FCRL5: variants seen among roughly 807,000 people sequenced by gnomAD.
The protein encoded by FCRL5 is Fc receptor like 5.
A neutral mutation model predicts 92.1 loss-of-function variants in FCRL5; 79 were observed. The ratio of observed to expected loss-of-function variants is 0.86; its 90% confidence interval spans 0.72 to 1.03. The LOEUF is 1.03. Ranked by LOEUF, FCRL5 falls within the 50% of genes least tolerant of loss-of-function variation. FCRL5 has a pLI of 0.00. For missense variants in FCRL5, 1,160 were observed against 1,181.1 expected (o/e 0.98, Z 0.26); for synonymous variants, 466 against 469.3 (o/e 0.99, Z 0.09).
chr1:157,524,464 C>A lies in FCRL5; in HGVS notation c.2054G>T (p.Gly685Val). The change falls in exon 10 of 17, where the codon GGC (glycine) becomes GTC (valine). Residue 685 changes from glycine to valine, a missense_variant. Physicochemically the swap from Gly to Val is moderately radical, Grantham distance 109. Transcript: ENST00000361835. ...LLELHCEALR[G>V]SSPILYWFYH... is the part of the protein sequence containing the mutation. ...AAACCAGTACAGGATTGGGGAGGAG[C>A]CTCTCAGGGCCTCACAGTGAAGCTC... 6.2e-7 allele frequency: 1 copy of A among 1,614,194 alleles called. No homozygotes were observed. Among genetic ancestry groups the A allele is most frequent in the Non-Finnish European group, 8.5e-7 (1 of 1,180,036 alleles).
intron 8 of FCRL5, among the ~76,000 whole-genome samples, chr1:157,528,825 G>T (rs560295301): frequency 6.6e-6 from 1 of 152,266 alleles, no homozygotes; most frequent in South Asian, 2.1e-4. Context: ...ATGGATCAAA[G>T]ACATAAATCT....
At chr1:157,538,932 C>T (rs1211892410) in intron 7 of FCRL5, among the ~76,000 whole-genome samples, 154 bp downstream of exon 7, 1 of 152,174 alleles carries the variant, frequency 6.6e-6, no homozygotes, top group Non-Finnish European at 1.5e-5. Context: ...AAGGGGCAGA[C>T]AGCTGGTTCA....
intron 10 of FCRL5, 88 bp from the exon 11 acceptor site, chr1:157,521,380 A>G (rs1002559307): frequency 6.9e-7 from 1 of 1,443,108 alleles, no homozygotes; most frequent in African/African-American, 1.4e-5. Context: ...GTAAAAAGTC[A>G]TATCTCAATC....
intron 8 of FCRL5, among the ~76,000 whole-genome samples, chr1:157,528,982 C>T (rs1174803599): frequency 6.6e-6 from 1 of 152,152 alleles, no homozygotes; most frequent in Non-Finnish European, 1.5e-5. Context: ...AATTTAAAAG[C>T]TTCTGCACAG....
At chr1:157,536,621 T>A (rs1650980349) in intron 7 of FCRL5, among the ~76,000 whole-genome samples, 1 of 152,266 alleles carries the variant, frequency 6.6e-6, no homozygotes, top group African/African-American at 2.4e-5. Context: ...TAGGTTCTAA[T>A]GATGTTGTCT....
chr1:157,527,974 C>G, intron 8 of FCRL5, 79 bp from the exon 9 acceptor site: 6 of 1,416,436 alleles, frequency 4.2e-6, no homozygotes, highest in East Asian at 2.3e-5. Context: ...AACAATCAGA[C>G]AAGAGAAAGA....
chr1:157,534,818 G>A lies in FCRL5; in HGVS notation c.1477C>T (p.His493Tyr). Residue 493 changes from histidine to tyrosine, a missense_variant, in exon 8 of 17, where the codon CAC becomes TAC. His to Tyr is a moderately conservative substitution (Grantham distance 83). Transcript: ENST00000361835. Reference sequence around the variant, plus strand: ...GGGGAACCTCTCTGGACTTCACAGTGAAGTGTCACAGTGGCTCCTTCAAAA... The same window carrying A: ...GGGGAACCTCTCTGGACTTCACAGTAAAGTGTCACAGTGGCTCCTTCAAAA... The part of the protein sequence containing the change: ...LTFEGATVTL[H>Y]CEVQRGSPQI... The A allele has an allele frequency of 6.2e-7, 1 of 1,605,050 alleles. No homozygotes were observed. The highest frequency in any genetic ancestry group is 8.5e-7 in the Non-Finnish European group (1 of 1,175,466).
intron 8 of FCRL5, chr1:157,534,171 AT>A (rs1421702456): frequency 4.8e-6 from 2 of 412,962 alleles, no homozygotes; most frequent in African/African-American, 4.1e-5. Flanking sequence ...CTAGGGAGCC[AT>A]TTCCCCCTTT....
intron 7 of FCRL5, among the ~76,000 whole-genome samples, chr1:157,535,507 C>T (rs1264764373): frequency 6.6e-6 from 1 of 152,206 alleles, no homozygotes; most frequent in Non-Finnish European, 1.5e-5. Context: ...AAGTGACCTA[C>T]ATTTATCATC....
At chr1:157,544,177 A>T in intron 5 of FCRL5, 85 bp downstream of exon 5, 1 of 1,435,194 alleles carries the variant, frequency 7.0e-7, no homozygotes, top group South Asian at 1.3e-5. Context: ...TTTTCTACAG[A>T]GACTGGTGAC....
intron 7 of FCRL5, among the ~76,000 whole-genome samples, chr1:157,536,444 ACTCCCTTGTTGGG>A (rs910520321): frequency 2.0e-5 from 3 of 151,982 alleles, no homozygotes; most frequent in Non-Finnish European, 4.4e-5. Flanking sequence ...CCAACTGGAC[ACTCCCTTGTTGGG>A]CTCCCTCCTT....
intron 13 of FCRL5, chr1:157,519,018 C>T (rs575481598): frequency 4.9e-4 from 179 of 367,448 alleles, no homozygotes; most frequent in Admixed American, 2.2e-3. Context: ...TACAGCAATA[C>T]GTTGTTAGTT....
At chr1:157,532,765 A>G (rs1431130038) in intron 8 of FCRL5, 8 of 152,298 alleles carry the variant, frequency 5.3e-5, no homozygotes, top group African/African-American at 1.9e-4. Context: ...TTGACGAGTC[A>G]ATGTGTGACC....
intron 8 of FCRL5, chr1:157,532,437 A>T (rs544278475): frequency 6.6e-6 from 1 of 152,326 alleles, no homozygotes; most frequent in South Asian, 2.1e-4. Flanking sequence ...AAAACAGTCC[A>T]TTCTTTTTGA....
chr1:157,525,231 T>G (rs1478124830), intron 9 of FCRL5, among the ~76,000 whole-genome samples: 2 of 152,224 alleles, frequency 1.3e-5, no homozygotes, highest in Admixed American at 6.5e-5. Context: ...CTATGAAATG[T>G]ATGTGTTAGT....
intron 8 of FCRL5, chr1:157,533,059 T>G (rs905343483): frequency 3.9e-5 from 6 of 152,226 alleles, no homozygotes; most frequent in African/African-American, 1.4e-4. Context: ...CTGCAAAGTC[T>G]AAGACTAACT....
chr1:157,517,673 G>A (rs556335970), intron 15 of FCRL5, among the ~76,000 whole-genome samples: 20 of 152,262 alleles, frequency 1.3e-4, no homozygotes, highest in East Asian at 7.7e-4. Context: ...TGAGACCGGC[G>A]TCAGACTTCT....
intron 3 of FCRL5, among the ~76,000 whole-genome samples, chr1:157,546,499 C>CCAAACCAAACCAAA (rs1199969869): frequency 1.4e-5 from 2 of 142,076 alleles, no homozygotes; most frequent in Non-Finnish European, 3.1e-5. Context: ...CCAAACCAAA[C>CCAAACCAAACCAAA]CAAAAAGCTA....
chr1:157,547,264 C>T, intron 2 of FCRL5, 67 bp from the exon 3 acceptor site: 1 of 1,587,826 alleles, frequency 6.3e-7, no homozygotes, highest in Non-Finnish European at 8.6e-7. Flanking sequence ...GGGCCTCCTG[C>T]TGCATAGCCT....
Sources: allele counts gnomAD v4.1 joint callset (sites outside exome capture counted in the v4.1 genomes callset), GRCh38; gene constraint gnomAD v4.1.1; transcripts MANE v1.5; gene names NCBI Gene and HGNC (gene_info 2026-07-23, HGNC 2026-07-21).